TLR5: variants seen among roughly 807,000 people sequenced by gnomAD.
TLR5 encodes the protein toll-like receptor 5.
For missense variants in TLR5, 944 were observed against 999.8 expected, an observed-to-expected ratio of 0.94 and a Z score of 0.75; for synonymous variants, 373 against 384.4, an observed-to-expected ratio of 0.97 and a Z score of 0.35.
At chr1:223,142,011 T>G (rs1246283794) in intron 1 of TLR5, among the ~76,000 whole-genome samples, 1 of 152,016 alleles carries the variant, frequency 6.6e-6, no homozygotes, top group East Asian at 1.9e-4. Context: ...GCTCCAGGGC[T>G]TCCCTTCTGA....
chr1:223,114,273 T>C (rs1422868561), intron 5 of TLR5, among the ~76,000 whole-genome samples: 2 of 152,192 alleles, frequency 1.3e-5, no homozygotes, highest in African/African-American at 4.8e-5. Context: ...AGTATTGTGC[T>C]GGGTGCTATG....
intron 5 of TLR5, among the ~76,000 whole-genome samples, chr1:223,126,625 C>T (rs1657177657): frequency 6.6e-6 from 1 of 152,156 alleles, no homozygotes; most frequent in South Asian, 2.1e-4. Context: ...ATTTTATAGC[C>T]ATATCCCAGT....
intron 5 of TLR5, among the ~76,000 whole-genome samples, chr1:223,122,783 C>T (rs1210554761): frequency 2.0e-5 from 3 of 152,168 alleles, no homozygotes; most frequent in South Asian, 4.1e-4. Context: ...TATAAAAATG[C>T]ACATTTGCAT....
At position 223,132,499 on chromosome 1, in the gene TLR5, T is replaced by C. The variant is rs1657436172; in HGVS notation, c.-29A>G. On this transcript the variant is annotated 5_prime_UTR_variant, in exon 5 of 6. Transcript: ENST00000642603. Reference sequence around the variant, plus strand: ...CCTCGTTGTCCTAGCAGAAGGGACTTCTAGTATGTTCTTATTCTAGGGGCA... The same window carrying C: ...CCTCGTTGTCCTAGCAGAAGGGACTCCTAGTATGTTCTTATTCTAGGGGCA... 1 of 152,304 alleles carries C rather than the reference T, an allele frequency of 6.6e-6. No individual in the cohort carries two copies. Among genetic ancestry groups the C allele is most frequent in the Non-Finnish European group, 1.5e-5 (1 of 68,006 alleles). 9.4% of individuals were successfully genotyped at this position (152,304 alleles called of 1,614,324 possible).
chr1:223,140,697 T>C (rs1657804096), intron 2 of TLR5, among the ~76,000 whole-genome samples: 1 of 152,140 alleles, frequency 6.6e-6, no homozygotes, highest in Non-Finnish European at 1.5e-5. Flanking sequence ...ATTCTGAGCT[T>C]CATATATCCT....
chr1:223,131,732 T>G lies in TLR5; in HGVS notation c.-5+743A>C, dbSNP rs1414019427. On this transcript the variant is annotated intron_variant, in intron 5 of 5. Transcript: ENST00000642603. This position sits in a 1 kb window ranked among gnomAD's most constrained non-coding sequence, Gnocchi z 4.2. ...GCTTGTACCACCATGCCCAGCTAAT[T>G]TTTGTTGTTGTTGTTGTTGTTTTTG... Among the ~76,000 whole-genome samples, 1 of 151,858 alleles carries G rather than the reference T, an allele frequency of 6.6e-6. No individual in the cohort carries two copies. Among genetic ancestry groups the G allele is most frequent in the Non-Finnish European group, 1.5e-5 (1 of 67,962 alleles).
Position 223,112,571 on chromosome 1 carries a change from T to C in TLR5, c.461A>G (p.Lys154Arg). 1.2e-6 allele frequency: 2 copies of C among 1,614,260 alleles called. No individual in the cohort carries two copies. The highest frequency in any genetic ancestry group is 2.7e-5 in the African/African-American group (2 of 75,082). ...AAGGTAAAGGCTACGAATCTGATTT[T>C]TGGATAGATCCAAGCGAGTTAAAGC... ...LKALTRLDLSKNQIRSLYLHP... is the reference protein window; with the variant it reads ...LKALTRLDLSRNQIRSLYLHP... Residue 154 changes from lysine to arginine, a missense_variant, in exon 6 of 6, where the codon AAA (lysine) becomes AGA (arginine). Coordinates refer to ENST00000642603, the MANE Select transcript of TLR5 (RefSeq NM_003268.6).
chr1:223,110,407 G>A lies in TLR5; in HGVS notation c.*48C>T. ...AATGATAACTTGGTGCAAATACAAAGTGAAGAGTTATTTGTGGCTTGAGAT... is the reference window on the plus strand; with the variant it reads ...AATGATAACTTGGTGCAAATACAAAATGAAGAGTTATTTGTGGCTTGAGAT... On this transcript the variant is annotated 3_prime_UTR_variant, in exon 6 of 6. Coordinates refer to ENST00000642603, the MANE Select transcript of TLR5 (RefSeq NM_003268.6). 1 of 1,600,842 alleles carries A rather than the reference G, an allele frequency of 6.2e-7. No individual in the cohort carries two copies. The highest frequency in any genetic ancestry group is 8.5e-7 in the Non-Finnish European group (1 of 1,169,820).
At chr1:223,116,143 GT>G in intron 5 of TLR5, among the ~76,000 whole-genome samples, 1 of 152,268 alleles carries the variant, frequency 6.6e-6, no homozygotes, top group Middle Eastern at 3.4e-3. Context: ...TACTTGTCTT[GT>G]CTATTTGCTT....
chr1:223,119,497 T>C (rs936810177), intron 5 of TLR5, among the ~76,000 whole-genome samples: 5 of 151,430 alleles, frequency 3.3e-5, no homozygotes, highest in African/African-American at 1.2e-4. Flanking sequence ...CCAAGCACAT[T>C]CCAAAAAAAA....
At chr1:223,123,018 G>T (rs985953336) in intron 5 of TLR5, among the ~76,000 whole-genome samples, 1 of 152,194 alleles carries the variant, frequency 6.6e-6, no homozygotes, top group Admixed American at 6.5e-5. Context: ...TAGAAGAAAA[G>T]AGAATAGAAA....
chr1:223,113,005 TAGG>T lies in TLR5; in HGVS notation c.24_26del (p.Leu9del), dbSNP rs765238817. The T allele has an allele frequency of 1.3e-4, 213 of 1,614,124 alleles. No individual in the cohort carries two copies. The Admixed American group carries it at 2.1e-3, about 16-fold the overall frequency. ...CAGGACCGGCCATGAGCACCACTCC[TAGG>T]AGAAGGTCCAGGTGGTCTCCCATGA... On this transcript the variant is annotated inframe_deletion, in exon 6 of 6. Coordinates refer to ENST00000642603, the MANE Select transcript of TLR5 (RefSeq NM_003268.6).
At chr1:223,116,590 G>T (rs1035587874) in intron 5 of TLR5, among the ~76,000 whole-genome samples, 7 of 152,128 alleles carry the variant, frequency 4.6e-5, no homozygotes, top group Non-Finnish European at 8.8e-5. Flanking sequence ...TGTGAAAGAC[G>T]ACCGCAGTGG....
In TLR5 at chr1:223,139,771, C is replaced by T. The variant is rs373894418; in HGVS notation, c.-439+1877G>A. Among the ~76,000 whole-genome samples, 32 of 152,288 alleles carry T rather than the reference C, an allele frequency of 2.1e-4. 1 individual carries two copies. The East Asian group carries it at 5.8e-3, about 28-fold the overall frequency. ...CTCTGAGTTTTGAGCACCACCACTG[C>T]ATTACACTCAGACTCCTCAAGGCCT... On this transcript the variant is annotated intron_variant, in intron 2 of 5. Coordinates refer to ENST00000642603, the MANE Select transcript of TLR5 (RefSeq NM_003268.6).
chr1:223,110,247 T>C lies in TLR5; in HGVS notation c.*208A>G. ...GGAGACTGGAAACCTCTAAGGGCAG[T>C]TGCAATTTTCTAGATCTATTATTTT... On this transcript the variant is annotated 3_prime_UTR_variant, in exon 6 of 6. Transcript: ENST00000642603. 1 of 603,784 alleles carries C rather than the reference T, an allele frequency of 1.7e-6. No individual in the cohort carries two copies. Among genetic ancestry groups the C allele is most frequent in the Non-Finnish European group, 2.9e-6 (1 of 345,854 alleles). The allele number at this position is 603,784 out of a possible 1,614,324, so 37.4% of individuals were successfully genotyped here.
At chr1:223,137,428 A>C (rs531981877) in intron 2 of TLR5, 165 bp from the exon 3 acceptor site, 4 of 152,230 alleles carry the variant, frequency 2.6e-5, no homozygotes, top group Non-Finnish European at 5.9e-5. Flanking sequence ...TGCATTTGCT[A>C]TTATTGCTGC....
chr1:223,110,466 T>C lies in TLR5; in HGVS notation c.2566A>G (p.Thr856Ala), dbSNP rs750803487. ...AATTGCTCCTTTGATTAGGAGATGG[T>C]TGCTACAGTTTGCAACGGAATGTTA... The part of the protein sequence containing the change: ...DNNIPLQTVA[T>A]IS Residue 856 changes from threonine to alanine, a missense_variant, in exon 6 of 6, where the codon ACC (threonine) becomes GCC (alanine). Thr to Ala is a moderately conservative substitution (Grantham distance 58). Coordinates refer to ENST00000642603, the MANE Select transcript of TLR5 (RefSeq NM_003268.6). The C allele has an allele frequency of 1.2e-6, 2 of 1,614,040 alleles. No homozygotes were observed. The highest frequency in any genetic ancestry group is 1.1e-5 in the South Asian group (1 of 91,086).
chr1:223,111,869 G>T lies in TLR5; in HGVS notation c.1163C>A (p.Thr388Asn). 2.5e-6 allele frequency: 4 copies of T among 1,613,902 alleles called. No individual in the cohort carries two copies. Among genetic ancestry groups the T allele is most frequent in the Non-Finnish European group, 3.4e-6 (4 of 1,179,902 alleles). ...QTFKFLEKLQ[T>N]LDLRDNALTT... Reference sequence around the variant, plus strand: ...AAGAGCATTGTCTCGGAGATCCAAGGTCTGTAATTTTTCCAGGAATTTGAA... The same window carrying T: ...AAGAGCATTGTCTCGGAGATCCAAGTTCTGTAATTTTTCCAGGAATTTGAA... The change falls in exon 6 of 6, where the codon ACC becomes AAC. Residue 388 changes from threonine to asparagine, a missense_variant. Thr to Asn is a moderately conservative substitution (Grantham distance 65). Transcript: ENST00000642603.
chr1:223,134,151 C>T lies in TLR5; in HGVS notation c.-170+531G>A, dbSNP rs541802438. Among the ~76,000 whole-genome samples, 269 of 152,286 alleles carry T rather than the reference C, an allele frequency of 1.8e-3. 2 individuals carry two copies. The highest frequency in any genetic ancestry group is 6.8e-3 in the Middle Eastern group (2 of 294). ...CCTCCCACCCCCGCCGCCCCTACCC[C>T]GGCAGCAACAGCCTGCTTCCGGCTT... On this transcript the variant is annotated intron_variant, in intron 4 of 5. Coordinates refer to ENST00000642603, the MANE Select transcript of TLR5 (RefSeq NM_003268.6).
Sources: gnomAD v4.1 joint callset for allele counts (sites outside exome capture counted in the v4.1 genomes callset) on GRCh38, gnomAD v4.1.1 for gene constraint, Gnocchi (gnomAD v3.1) non-coding constraint, MANE v1.5 for transcripts, NCBI Gene and HGNC (gene_info 2026-07-23, HGNC 2026-07-21) for gene names.